CCDC68: variants seen among roughly 807,000 people sequenced by gnomAD.
CCDC68 encodes the protein coiled-coil domain containing 68.
In CCDC68, 45 loss-of-function variants were observed where a neutral mutation model predicts 47.1. The ratio of observed to expected loss-of-function variants is 0.96; its 90% CI spans 0.75 to 1.23. The LOEUF (loss-of-function observed/expected upper bound fraction) is 1.23. Among genes scored for constraint, CCDC68 ranks in the 50% most tolerant of loss-of-function variants. The pLI is 0.00. For missense variants in CCDC68, 353 were observed against 373.6 expected, an observed-to-expected ratio of 0.94 and a Z score of 0.45; for synonymous variants, 131 against 129.5, an observed-to-expected ratio of 1.01 and a Z score of -0.08.
Position 54,904,111 on chromosome 18 carries a change from G to T in CCDC68, c.*247C>A. The T allele has an allele frequency of 3.0e-6, 1 of 329,258 alleles. No homozygotes were observed. Among genetic ancestry groups the T allele is most frequent in the East Asian group, 5.0e-5 (1 of 19,940 alleles). The allele number at this position is 329,258 out of a possible 1,614,324, so 20.4% of individuals were successfully genotyped here. On this transcript the variant is annotated 3_prime_UTR_variant, in exon 12 of 12. Coordinates refer to ENST00000591504, the MANE Select transcript of CCDC68 (RefSeq NM_025214.3). ...TTTTTTTTTTTTTTAATTTAAAGCA[G>T]AATCTGTCTTCCATCATGAGAAGGC... is the stretch of plus-strand genomic sequence containing the variant.
rs1185206562 is a variant in CCDC68 at position 54,942,657 on chromosome 18, T to G, written c.117+18A>C. 1.4e-6 allele frequency: 2 copies of G among 1,404,610 alleles called. No homozygotes were observed. The highest frequency in any genetic ancestry group is 2.3e-5 in the East Asian group (1 of 42,940). 87.0% of individuals were successfully genotyped at this position (1,404,610 alleles called of 1,614,324 possible). ...TTAAAAAATCATATCATACTAATGA[T>G]TTCTGCTACCCACATACCTTTTTCA... On this transcript the variant is annotated intron_variant, in intron 3 of 11. Coordinates refer to ENST00000591504, the MANE Select transcript of CCDC68 (RefSeq NM_025214.3).
chr18:54,934,754 T>C, intron 7 of CCDC68, 66 bp downstream of exon 7: 1 of 1,143,980 alleles, frequency 8.7e-7, no homozygotes. Context: ...TATTTTAGTA[T>C]TATTTTATTT....
chr18:54,904,702 A>G (rs752472040), intron 11 of CCDC68, among the ~76,000 whole-genome samples: 1 of 152,166 alleles, frequency 6.6e-6, no homozygotes, highest in African/African-American at 2.4e-5. Flanking sequence ...CTGCCATTCC[A>G]CCTGGTGAAG....
intron 1 of CCDC68, chr18:54,958,091 C>A (rs2044744444): frequency 6.6e-6 from 1 of 152,196 alleles, no homozygotes; most frequent in Admixed American, 6.5e-5. Context: ...GACAAGGGAT[C>A]AATTTATTTT....
intron 3 of CCDC68, among the ~76,000 whole-genome samples, chr18:54,941,497 A>AAATAATTACTATTAAGTAATTACTACAG (rs2044437389): frequency 7.7e-6 from 1 of 130,412 alleles, no homozygotes; most frequent in Admixed American, 7.8e-5. Context: ...AATTACTACA[A>AAATAATTACTATTAAGTAATTACTACAG]AATAATTACT....
In CCDC68 at chr18:54,925,538, C is replaced by T. The variant is rs142653564; in HGVS notation, c.683+3262G>A. Among the ~76,000 whole-genome samples, 231 of 152,238 alleles carry T rather than the reference C, an allele frequency of 1.5e-3. 1 individual carries two copies. The highest frequency in any genetic ancestry group is 5.3e-3 in the African/African-American group (221 of 41,550). On this transcript the variant is annotated intron_variant, in intron 8 of 11. Coordinates refer to ENST00000591504, the MANE Select transcript of CCDC68 (RefSeq NM_025214.3). The stretch of plus-strand genomic sequence containing the variant: ...GAGACAAAGGAAATAAAAGTAGCAA[C>T]GAAAGCCATGTTGCAGGCTCTAAGA...
chr18:54,946,619 C>G (rs185835765), intron 1 of CCDC68, among the ~76,000 whole-genome samples: 1 of 152,298 alleles, frequency 6.6e-6, no homozygotes, highest in East Asian at 1.9e-4. Flanking sequence ...AAAATTGCAT[C>G]GGGCCTTATG....
intron 10 of CCDC68, among the ~76,000 whole-genome samples, chr18:54,911,673 T>C (rs1914378555): frequency 6.6e-6 from 1 of 152,206 alleles, no homozygotes; most frequent in South Asian, 2.1e-4. Flanking sequence ...AGTCCCTCTC[T>C]ATAGTACTTT....
At position 54,934,788 on chromosome 18, in the gene CCDC68, T is replaced by C. The variant is rs2044315617; in HGVS notation, c.600+32A>G. ...TTCATTCTCATCCTAATGCTGTCAG[T>C]AAGAAAATCCTCTAATTCTCCAGGG... On this transcript the variant is annotated intron_variant, in intron 7 of 11. Transcript: ENST00000591504. 2.9e-6 allele frequency: 4 copies of C among 1,399,952 alleles called. No homozygotes were observed. In the East Asian group the frequency reaches 1.1e-4, roughly 38 times the overall value. The allele number at this position is 1,399,952 out of a possible 1,614,324, so 86.7% of individuals were successfully genotyped here. A position where few individuals can be genotyped will look rare whatever the true frequency, so the allele number is the denominator to read the frequency against.
chr18:54,935,084 T>A (rs986032521), intron 6 of CCDC68, 136 bp from the exon 7 acceptor site: 15 of 584,794 alleles, frequency 2.6e-5, no homozygotes, highest in Admixed American at 4.2e-5. Context: ...TCTTTTGATT[T>A]CAGTGTTTAC....
chr18:54,911,172 C>T (rs555785334), intron 10 of CCDC68, among the ~76,000 whole-genome samples: 5 of 152,266 alleles, frequency 3.3e-5, no homozygotes, highest in African/African-American at 1.2e-4. Context: ...CTCAGCCTCC[C>T]GAGTAGCTAG....
At chr18:54,954,766 T>C (rs1232994436) in intron 1 of CCDC68, 1 of 152,152 alleles carries the variant, frequency 6.6e-6, no homozygotes, top group Non-Finnish European at 1.5e-5. Context: ...TGTTTTAGAA[T>C]TTTAAAAATC....
At chr18:54,918,868 G>A (rs1024973144) in intron 9 of CCDC68, among the ~76,000 whole-genome samples, 1 of 152,066 alleles carries the variant, frequency 6.6e-6, no homozygotes, top group African/African-American at 2.4e-5. Context: ...AGAGAAGAAG[G>A]GCCAGGCTAC....
chr18:54,926,987 T>C (rs1461043217), intron 8 of CCDC68, among the ~76,000 whole-genome samples: 1 of 152,216 alleles, frequency 6.6e-6, no homozygotes, highest in Admixed American at 6.5e-5. Context: ...CAACCTTATT[T>C]TTAAGAAGAC....
At chr18:54,946,635 T>G (rs1210170824) in intron 1 of CCDC68, among the ~76,000 whole-genome samples, 1 of 152,230 alleles carries the variant, frequency 6.6e-6, no homozygotes, top group African/African-American at 2.4e-5. Context: ...TTATGTCTTT[T>G]ATCCTAAAAT....
At chr18:54,907,499 C>T (rs566581641) in intron 11 of CCDC68, among the ~76,000 whole-genome samples, 2 of 152,178 alleles carry the variant, frequency 1.3e-5, no homozygotes, top group South Asian at 4.2e-4. Context: ...AGGAGATGAT[C>T]TGTAATGTCT....
At chr18:54,930,622 T>TCCCCCCCCC (rs1568147318) in intron 7 of CCDC68, among the ~76,000 whole-genome samples, 1 of 41,642 alleles carries the variant, frequency 2.4e-5, no homozygotes, top group Admixed American at 2.2e-4. Context: ...TTCCCTTCCC[T>TCCCCCCCCC]TCCCCTCCCT....
chr18:54,955,948 TCCTGA>T (rs377621872), intron 1 of CCDC68, among the ~76,000 whole-genome samples: 381 of 151,916 alleles, frequency 2.5e-3, no homozygotes, highest in African/African-American at 8.9e-3. Context: ...GGTCTCCAAC[TCCTGA>T]CCTCAGGTGA....
intron 8 of CCDC68, among the ~76,000 whole-genome samples, chr18:54,926,318 AT>A (rs1171482856): frequency 1.3e-5 from 2 of 152,180 alleles, no homozygotes; most frequent in Admixed American, 1.3e-4. Context: ...GCAAGTAAAC[AT>A]GTCCTTCTTC....
Sources: allele counts gnomAD v4.1 joint callset (sites outside exome capture counted in the v4.1 genomes callset), GRCh38; gene constraint gnomAD v4.1.1; transcripts MANE v1.5; gene names NCBI Gene and HGNC (gene_info 2026-07-23, HGNC 2026-07-21).